Variants in TIMP3 observed in about 807,000 individuals in gnomAD.
TIMP3 encodes TIMP metallopeptidase inhibitor 3.
TIMP3 carries 11 observed loss-of-function variants against 30.0 expected under a neutral mutation model. The observed-to-expected ratio is 0.37, with a 90% CI of 0.23 to 0.61. The LOEUF is 0.61. Among genes scored for constraint, TIMP3 ranks in the 20% least tolerant of loss-of-function variants. The pLI is 0.70. For synonymous variants in TIMP3, 112 were observed against 111.3 expected, an observed-to-expected ratio of 1.01 and a Z score of -0.04; for missense variants, 181 against 276.8, an observed-to-expected ratio of 0.65 and a Z score of 2.45.
rs182924937 is a variant in TIMP3 at position 32,823,167 on chromosome 22, T to C, written c.121+21045T>C. Among the ~76,000 whole-genome samples, 459 of 152,334 alleles carry C rather than the reference T, an allele frequency of 3.0e-3. 2 individuals carry two copies. The highest frequency in any genetic ancestry group is 0.01 in the African/African-American group (432 of 41,572). Reference sequence around the variant, plus strand: ...CTCAAGTGACCCTTGCTTTTGGGTCTAGAGCATCATGTAGGAAGCCAGCAC... The same window carrying C: ...CTCAAGTGACCCTTGCTTTTGGGTCCAGAGCATCATGTAGGAAGCCAGCAC... On this transcript the variant is annotated intron_variant, in intron 1 of 4. Coordinates refer to ENST00000266085, the MANE Select transcript of TIMP3 (RefSeq NM_000362.5).
chr22:32,817,046 C>T (rs764602921), intron 1 of TIMP3, among the ~76,000 whole-genome samples: 1 of 143,910 alleles, frequency 6.9e-6, no homozygotes, highest in Non-Finnish European at 1.5e-5. Flanking sequence ...AGTAAGATTC[C>T]CTGTCTCTAC....
At chr22:32,829,266 C>G (rs138265346) in intron 1 of TIMP3, among the ~76,000 whole-genome samples, 1 of 152,204 alleles carries the variant, frequency 6.6e-6, no homozygotes, top group Non-Finnish European at 1.5e-5. Context: ...TTCGTGATCA[C>G]GCCTGGTGGC....
chr22:32,833,193 C>T (rs2047629375), intron 1 of TIMP3, among the ~76,000 whole-genome samples: 1 of 152,068 alleles, frequency 6.6e-6, no homozygotes, highest in African/African-American at 2.4e-5. Context: ...TGCATTTATC[C>T]CCTAACAAAG....
intron 1 of TIMP3, among the ~76,000 whole-genome samples, chr22:32,824,387 G>A (rs920892619): frequency 6.6e-6 from 1 of 150,946 alleles, no homozygotes; most frequent in Admixed American, 6.6e-5. Context: ...GTACCCTCAG[G>A]TTGAGCAGCT....
intron 2 of TIMP3, among the ~76,000 whole-genome samples, chr22:32,854,444 A>C (rs992827182): frequency 1.3e-5 from 2 of 152,204 alleles, no homozygotes; most frequent in African/African-American, 4.8e-5. Context: ...TCAAGGGGAA[A>C]GACTGACGCA....
At position 32,860,178 on chromosome 22, in the gene TIMP3, G is replaced by A. The variant is rs1385249871; in HGVS notation, c.*801G>A. 1 of 152,202 alleles carries A rather than the reference G, an allele frequency of 6.6e-6. No homozygotes were observed. Among genetic ancestry groups the A allele is most frequent in the Non-Finnish European group, 1.5e-5 (1 of 68,034 alleles). The allele number at this position is 152,202 out of a possible 1,614,324, so 9.4% of individuals were successfully genotyped here. ...TGTACAAAAGCTCAGGTGAAAGACT[G>A]AGATGAATGTCTTTCCTCTCCCTGC... On this transcript the variant is annotated 3_prime_UTR_variant, in exon 5 of 5. Coordinates refer to ENST00000266085, the MANE Select transcript of TIMP3 (RefSeq NM_000362.5).
rs1433416849 is a variant in TIMP3, at chr22:32,837,671, C to CA, written c.122-11779dup. ...TCTTGGGGCTTCGGGGGCCTCCTGT[C>CA]AATGGACTGTTTGGACACCCATTTG... On this transcript the variant is annotated intron_variant, in intron 1 of 4. Transcript: ENST00000266085. The surrounding 1 kb of genome is among the most constrained non-coding windows in gnomAD (Gnocchi z 4.1). 2.6e-5 allele frequency among the ~76,000 whole-genome samples: 4 copies of CA among 152,126 alleles called. No individual in the cohort carries two copies. Among genetic ancestry groups the CA allele is most frequent in the African/African-American group, 9.7e-5 (4 of 41,400 alleles).
chr22:32,857,423 G>A (rs1181397961), intron 3 of TIMP3, 63 bp downstream of exon 3: 4 of 1,235,696 alleles, frequency 3.2e-6, no homozygotes, highest in Non-Finnish European at 4.8e-6. Flanking sequence ...CTTGACTTCA[G>A]AAGAACACAT....
chr22:32,862,839 G>A lies in TIMP3; in HGVS notation c.*3462G>A, dbSNP rs184767158. On this transcript the variant is annotated 3_prime_UTR_variant, in exon 5 of 5. Coordinates refer to ENST00000266085, the MANE Select transcript of TIMP3 (RefSeq NM_000362.5). The stretch of plus-strand genomic sequence containing the variant: ...TGTCCTGAAACCCAGAAGTGATGGA[G>A]AGAAACCAACAAGAGATCTCGAACC... 3.9e-5 allele frequency: 6 copies of A among 152,716 alleles called. No individual in the cohort carries two copies. The highest frequency in any genetic ancestry group is 2.1e-4 in the South Asian group (1 of 4,816). The allele number at this position is 152,716 out of a possible 1,614,324, so 9.5% of individuals were successfully genotyped here.
In TIMP3 at chr22:32,802,160, C is replaced by T. The variant is rs1270011964; in HGVS notation, c.121+38C>T. Reference sequence around the variant, plus strand: ...GGTGCCCCGCCCGAGCCCCACGCTGCAGCCAGGACTGCAGCGCTGCTTAGG... The same window carrying T: ...GGTGCCCCGCCCGAGCCCCACGCTGTAGCCAGGACTGCAGCGCTGCTTAGG... On this transcript the variant is annotated intron_variant, in intron 1 of 4. Transcript: ENST00000266085. 7 of 1,563,148 alleles carry T rather than the reference C, an allele frequency of 4.5e-6. No homozygotes were observed. In the East Asian group the frequency reaches 1.6e-4, roughly 36 times the overall value.
At chr22:32,850,146 C>T (rs150108757) in intron 2 of TIMP3, among the ~76,000 whole-genome samples, 1 of 150,878 alleles carries the variant, frequency 6.6e-6, no homozygotes, top group Non-Finnish European at 1.5e-5. Context: ...TATCATTAAA[C>T]ATATTACTGA....
rs905745027 is a variant in TIMP3 at position 32,801,725 on chromosome 22, G to A, written c.-277G>A. 16 of 204,990 alleles carry A rather than the reference G, an allele frequency of 7.8e-5. No homozygotes were observed. The highest frequency in any genetic ancestry group is 1.3e-4 in the Non-Finnish European group (14 of 105,264). 12.7% of individuals were successfully genotyped at this position (204,990 alleles called of 1,614,324 possible). ...GGCGCAGAGCGGGCAGCAGGCAGGC[G>A]GCGGGCGCTCAGACGGCTTCTCCTC... On this transcript the variant is annotated 5_prime_UTR_variant, in exon 1 of 5. Transcript: ENST00000266085. This position sits in a 1 kb window ranked among gnomAD's most constrained non-coding sequence, Gnocchi z 4.7.
At chr22:32,839,830 A>C (rs1037305648) in intron 1 of TIMP3, among the ~76,000 whole-genome samples, 4 of 152,120 alleles carry the variant, frequency 2.6e-5, no homozygotes, top group African/African-American at 9.7e-5. Context: ...AGTTCCAGGA[A>C]GCCTGACCTT....
chr22:32,832,736 T>C (rs8140818), intron 1 of TIMP3, among the ~76,000 whole-genome samples: 15,564 of 151,814 alleles, frequency 0.1, 927 homozygotes, highest in African/African-American at 0.17. Context: ...TACTCGCCCC[T>C]CTCTTTTTCT....
intron 1 of TIMP3, among the ~76,000 whole-genome samples, chr22:32,821,636 G>A (rs898622350): frequency 2.1e-4 from 32 of 152,208 alleles, no homozygotes; most frequent in African/African-American, 7.7e-4. Context: ...GAAGAGCGGA[G>A]GCCCAGAGAA....
intron 1 of TIMP3, among the ~76,000 whole-genome samples, chr22:32,809,808 G>A (rs907161435): frequency 6.6e-6 from 1 of 152,190 alleles, no homozygotes; most frequent in African/African-American, 2.4e-5. Context: ...TTGGCTTACT[G>A]ATATGCCTAA....
intron 1 of TIMP3, among the ~76,000 whole-genome samples, chr22:32,805,668 C>T (rs130269): frequency 0.16 from 23,423 of 149,562 alleles, 2,353 homozygotes; most frequent in East Asian, 0.35. Flanking sequence ...GTATTGCACC[C>T]ATTTTTCAGA....
chr22:32,846,220 GATGGGT>G (rs2048058320), intron 1 of TIMP3, among the ~76,000 whole-genome samples: 1 of 152,302 alleles, frequency 6.6e-6, no homozygotes, highest in South Asian at 2.1e-4. Flanking sequence ...GATAAGGTGG[GATGGGT>G]ACATGTGATA....
intron 1 of TIMP3, among the ~76,000 whole-genome samples, chr22:32,818,464 G>A (rs1433389890): frequency 6.6e-6 from 1 of 152,194 alleles, no homozygotes; most frequent in East Asian, 1.9e-4. Context: ...TTCTGGTTGA[G>A]TGGCCTTCCC....
Sources: gnomAD v4.1 joint callset for allele counts (sites outside exome capture counted in the v4.1 genomes callset) on GRCh38, gnomAD v4.1.1 for gene constraint, Gnocchi (gnomAD v3.1) non-coding constraint, MANE v1.5 for transcripts, NCBI Gene and HGNC (gene_info 2026-07-23, HGNC 2026-07-21) for gene names.